Variants in MOB3B observed in about 807,000 individuals in gnomAD.
The protein encoded by MOB3B is MOB kinase activator 3B.
A neutral mutation model predicts 18.7 loss-of-function variants in MOB3B; 7 were observed. The observed-to-expected ratio is 0.37, with a 90% CI of 0.21 to 0.70. MOB3B has a LOEUF of 0.70. Ranked by LOEUF, MOB3B falls within the 30% of genes least tolerant of loss-of-function variation. The probability of loss-of-function intolerance (pLI) is 0.52; values close to 1 mark genes in which losing one functional copy is unlikely to be tolerated. For synonymous variants in MOB3B, 111 were observed against 99.9 expected (o/e 1.11, Z -0.66); for missense variants, 253 against 281.3 (o/e 0.90, Z 0.72).
intron 2 of MOB3B, among the ~76,000 whole-genome samples, chr9:27,423,776 G>T (rs757459496): frequency 1.3e-5 from 2 of 152,164 alleles, no homozygotes; most frequent in Non-Finnish European, 2.9e-5. Flanking sequence ...TTTAATAAAT[G>T]AATAAACTGA....
At chr9:27,456,419 G>A (rs891579784) in intron 1 of MOB3B, among the ~76,000 whole-genome samples, 1 of 152,174 alleles carries the variant, frequency 6.6e-6, no homozygotes, top group African/African-American at 2.4e-5. Flanking sequence ...AGAGACAAGA[G>A]CCTAAGTGGC....
intron 2 of MOB3B, among the ~76,000 whole-genome samples, chr9:27,365,755 CCA>C (rs988591113): frequency 6.6e-6 from 1 of 152,120 alleles, no homozygotes; most frequent in Non-Finnish European, 1.5e-5. Context: ...GACTAGTGCT[CCA>C]CAGAGAGGGG....
chr9:27,446,663 A>G (rs544316991), intron 2 of MOB3B, among the ~76,000 whole-genome samples: 1 of 152,302 alleles, frequency 6.6e-6, no homozygotes, highest in East Asian at 1.9e-4. Flanking sequence ...TACTGAGGGA[A>G]CTAACGTTTA....
intron 2 of MOB3B, among the ~76,000 whole-genome samples, chr9:27,437,436 C>A (rs891885345): frequency 6.6e-6 from 1 of 152,180 alleles, no homozygotes; most frequent in Non-Finnish European, 1.5e-5. Flanking sequence ...CTACTAATGA[C>A]AACTTTCCTA....
chr9:27,507,241 G>A (rs1820074595), intron 1 of MOB3B, among the ~76,000 whole-genome samples: 1 of 152,132 alleles, frequency 6.6e-6, no homozygotes, highest in Admixed American at 6.5e-5. Context: ...TGGCAGGGCT[G>A]GGATCCAAGT....
intron 3 of MOB3B, among the ~76,000 whole-genome samples, chr9:27,336,643 A>T (rs1270000660): frequency 6.6e-6 from 1 of 152,068 alleles, no homozygotes; most frequent in African/African-American, 2.4e-5. Context: ...TCAGGGCCAC[A>T]TCTGACATTA....
At chr9:27,425,983 CAGA>C (rs1290632626) in intron 2 of MOB3B, among the ~76,000 whole-genome samples, 2 of 152,218 alleles carry the variant, frequency 1.3e-5, no homozygotes, top group African/African-American at 2.4e-5. Context: ...ATTCACCCAG[CAGA>C]AGGAGGAGGG....
chr9:27,508,137 C>G (rs529895411), intron 1 of MOB3B, among the ~76,000 whole-genome samples: 1 of 152,128 alleles, frequency 6.6e-6, no homozygotes, highest in East Asian at 1.9e-4. Flanking sequence ...CTCTGTGATA[C>G]GTACTCAGGA....
intron 2 of MOB3B, among the ~76,000 whole-genome samples, chr9:27,425,000 C>G (rs1587203388): frequency 6.6e-6 from 1 of 152,148 alleles, no homozygotes; most frequent in South Asian, 2.1e-4. Flanking sequence ...AAATTTTTCT[C>G]CACCACCCAT....
intron 2 of MOB3B, among the ~76,000 whole-genome samples, chr9:27,451,291 C>A (rs1822778645): frequency 6.6e-6 from 1 of 152,142 alleles, no homozygotes; most frequent in Non-Finnish European, 1.5e-5. Flanking sequence ...AAGGAGGTGG[C>A]CCTTGCTTCA....
chr9:27,417,864 C>T (rs1284944222), intron 2 of MOB3B, among the ~76,000 whole-genome samples: 1 of 152,026 alleles, frequency 6.6e-6, no homozygotes, highest in African/African-American at 2.4e-5. Context: ...AGATCGAGAC[C>T]ATCCTGGCCA....
chr9:27,398,708 C>T (rs751339513), intron 2 of MOB3B, among the ~76,000 whole-genome samples: 4 of 152,108 alleles, frequency 2.6e-5, no homozygotes, highest in South Asian at 2.1e-4. Context: ...ACCACTGTGA[C>T]GCAGAAATAC....
At chr9:27,515,804 T>C (rs967331663) in intron 1 of MOB3B, among the ~76,000 whole-genome samples, 2 of 152,206 alleles carry the variant, frequency 1.3e-5, no homozygotes, top group Admixed American at 6.5e-5. Context: ...AGGCTCCCTG[T>C]ACCATATCCC....
chr9:27,473,069 C>T (rs966874119), intron 1 of MOB3B, among the ~76,000 whole-genome samples: 2 of 152,202 alleles, frequency 1.3e-5, no homozygotes, highest in African/African-American at 4.8e-5. Context: ...AACTGGTCCT[C>T]ATTTGCTCTC....
At chr9:27,384,774 T>C (rs1031102991) in intron 2 of MOB3B, among the ~76,000 whole-genome samples, 8 of 152,194 alleles carry the variant, frequency 5.3e-5, no homozygotes, top group African/African-American at 1.7e-4. Flanking sequence ...CTCTGCACAG[T>C]AGCCCAGCTG....
chr9:27,499,922 C>T (rs965867286), intron 1 of MOB3B, among the ~76,000 whole-genome samples: 1 of 152,096 alleles, frequency 6.6e-6, no homozygotes, highest in African/African-American at 2.4e-5. Flanking sequence ...ATGAAATCTA[C>T]AGCTATCACT....
chr9:27,329,179 A>G lies in MOB3B; in HGVS notation c.*1408T>C, dbSNP rs1243796316. ...TTATTACTTTAAAATACACTAATAC[A>G]TTCTTATCTACTTCCCTCCACCGAC... On this transcript the variant is annotated 3_prime_UTR_variant, in exon 4 of 4. Coordinates refer to ENST00000262244, the MANE Select transcript of MOB3B (RefSeq NM_024761.5). 2 of 152,198 alleles carry G rather than the reference A, an allele frequency of 1.3e-5. No individual in the cohort carries two copies. Among genetic ancestry groups the G allele is most frequent in the African/African-American group, 4.8e-5 (2 of 41,454 alleles). The allele number at this position is 152,198 out of a possible 1,614,324, so 9.4% of individuals were successfully genotyped here.
intron 2 of MOB3B, among the ~76,000 whole-genome samples, chr9:27,365,521 G>C (rs7038999): frequency 1.3e-5 from 2 of 151,688 alleles, no homozygotes; most frequent in Non-Finnish European, 3.0e-5. Context: ...TAATAATCCA[G>C]ACAAACCATC....
At chr9:27,370,989 G>A (rs1299948495) in intron 2 of MOB3B, among the ~76,000 whole-genome samples, 1 of 152,170 alleles carries the variant, frequency 6.6e-6, no homozygotes, top group Non-Finnish European at 1.5e-5. Context: ...TTCACACCTT[G>A]CAGATCTCGG....
Sources: allele counts gnomAD v4.1 joint callset (sites outside exome capture counted in the v4.1 genomes callset), GRCh38; gene constraint gnomAD v4.1.1; transcripts MANE v1.5; gene names NCBI Gene and HGNC (gene_info 2026-07-23, HGNC 2026-07-21).